Variants in NRG1 observed in about 807,000 individuals in gnomAD.
NRG1 encodes pro-neuregulin-1, membrane-bound isoform.
A neutral mutation model predicts 63.8 loss-of-function variants in NRG1; 18 were observed. That is an observed-to-expected ratio of 0.28 (90% CI 0.19 to 0.42). NRG1 has a LOEUF of 0.42. Among genes scored for constraint, NRG1 ranks in the 10% least tolerant of loss-of-function variants. The pLI is 1.00. For synonymous variants in NRG1, 302 were observed against 301.3 expected, an observed-to-expected ratio of 1.00 and a Z score of -0.02; for missense variants, 762 against 814.7, an observed-to-expected ratio of 0.94 and a Z score of 0.79.
At chr8:32,432,028 G>C (rs1266063149) in intron 1 of NRG1, among the ~76,000 whole-genome samples, 1 of 152,124 alleles carries the variant, frequency 6.6e-6, no homozygotes, top group Admixed American at 6.6e-5. Context: ...TGATTTAATA[G>C]AATATAAGCA....
downstream of NRG1, among the ~76,000 whole-genome samples, chr8:32,771,567 G>C (rs1054901069): frequency 6.7e-6 from 1 of 150,316 alleles, no homozygotes; most frequent in Non-Finnish European, 1.5e-5. Context: ...ACTAAACCAT[G>C]ACTCTGTAGA....
intron 1 of NRG1, among the ~76,000 whole-genome samples, chr8:32,567,588 G>C (rs1000510500): frequency 1.3e-5 from 2 of 152,192 alleles, no homozygotes. Flanking sequence ...ATGTAGATGA[G>C]TTTGGAACTT....
intron 1 of NRG1, among the ~76,000 whole-genome samples, chr8:32,588,702 C>G (rs987297095): frequency 3.3e-5 from 5 of 152,194 alleles, no homozygotes; most frequent in Non-Finnish European, 7.3e-5. Context: ...TTTCCAGAGT[C>G]CAGCCATCTT....
chr8:32,359,166 C>T (rs796518302), intron 1 of NRG1, among the ~76,000 whole-genome samples: 12 of 151,992 alleles, frequency 7.9e-5, no homozygotes, highest in African/African-American at 1.2e-4. Flanking sequence ...TGTAAAATGG[C>T]GTAATGATAC....
chr8:31,885,177 T>C (rs980854775), intron 1 of NRG1, among the ~76,000 whole-genome samples: 1 of 152,110 alleles, frequency 6.6e-6, no homozygotes, highest in Non-Finnish European at 1.5e-5. Context: ...CAGAAATGGA[T>C]CTCTCATGCT....
chr8:31,737,270 T>G (rs1814774286), intron 1 of NRG1, among the ~76,000 whole-genome samples: 1 of 152,074 alleles, frequency 6.6e-6, no homozygotes, highest in African/African-American at 2.4e-5. Flanking sequence ...TCTCCTAGGA[T>G]TTTTCCCCAA....
At chr8:32,107,060 TACAACA>T (rs10633352) in intron 1 of NRG1, among the ~76,000 whole-genome samples, 15 of 150,070 alleles carry the variant, frequency 1.0e-4, no homozygotes, top group East Asian at 2.0e-4. Flanking sequence ...CTACTAAAAA[TACAACA>T]ACAACAACAA....
intron 1 of NRG1, among the ~76,000 whole-genome samples, chr8:32,531,774 T>C (rs1329430832): frequency 6.6e-6 from 1 of 152,230 alleles, no homozygotes. Flanking sequence ...AAATAATACT[T>C]CTACCTCATA....
chr8:32,526,341 A>G (rs1485606698), intron 1 of NRG1, among the ~76,000 whole-genome samples: 1 of 152,168 alleles, frequency 6.6e-6, no homozygotes, highest in African/African-American at 2.4e-5. Flanking sequence ...CTCTCTCTCT[A>G]TAGCAGTTTG....
chr8:32,714,569 A>G (rs536593235), intron 5 of NRG1, among the ~76,000 whole-genome samples: 2 of 152,354 alleles, frequency 1.3e-5, no homozygotes, highest in African/African-American at 4.8e-5. Context: ...TGGCTGTAGG[A>G]AAAGAGCTTT....
chr8:31,723,074 A>G (rs903693953), intron 1 of NRG1, among the ~76,000 whole-genome samples: 1 of 152,210 alleles, frequency 6.6e-6, no homozygotes, highest in East Asian at 1.9e-4. Flanking sequence ...CTTGAGGCAG[A>G]ACTCATCTTA....
chr8:32,565,166 C>T (rs964070413), intron 1 of NRG1, among the ~76,000 whole-genome samples: 2 of 152,190 alleles, frequency 1.3e-5, no homozygotes, highest in African/African-American at 4.8e-5. Flanking sequence ...ATCATGCATT[C>T]CTTTTTCTTT....
chr8:32,706,569 G>A (rs927581598), intron 5 of NRG1, among the ~76,000 whole-genome samples: 4 of 151,906 alleles, frequency 2.6e-5, no homozygotes, highest in African/African-American at 9.7e-5. Context: ...GTGTGTGTGT[G>A]TGTTTGTGTG....
At chr8:31,916,667 G>A (rs1305113166) in intron 1 of NRG1, among the ~76,000 whole-genome samples, 1 of 152,142 alleles carries the variant, frequency 6.6e-6, no homozygotes, top group African/African-American at 2.4e-5. Context: ...ATAAACACAT[G>A]TGTGCATGTG....
intron 1 of NRG1, among the ~76,000 whole-genome samples, chr8:31,744,562 C>G (rs995940563): frequency 2.0e-5 from 3 of 151,886 alleles, no homozygotes; most frequent in Admixed American, 6.6e-5. Context: ...GGATTTATTA[C>G]TGTTTTTGGT....
At chr8:32,295,023 G>A (rs1854666424) in intron 1 of NRG1, among the ~76,000 whole-genome samples, 1 of 152,034 alleles carries the variant, frequency 6.6e-6, no homozygotes, top group South Asian at 2.1e-4. Context: ...CTCTGCTGAT[G>A]TTACTGTTAA....
At chr8:32,764,318 C>T in exon 12 of NRG1, 2 of 1,614,022 alleles carry the variant, frequency 1.2e-6, no homozygotes, top group South Asian at 2.2e-5. Flanking sequence ...GCAGGACTAA[C>T]CCAGCAGGCC....
At chr8:32,483,789 A>G (rs1319791324) in intron 1 of NRG1, among the ~76,000 whole-genome samples, 3 of 152,070 alleles carry the variant, frequency 2.0e-5, no homozygotes, top group Non-Finnish European at 2.9e-5. Context: ...ACTGCCTCCA[A>G]TGTCCACCGA....
At position 32,488,987 on chromosome 8, in the gene NRG1, G is replaced by A. The variant is rs140598318; in HGVS notation, c.38-106841G>A. Among the ~76,000 whole-genome samples the A allele has an allele frequency of 3.7e-3, 568 of 152,298 alleles. 5 individuals are homozygous for A. The highest frequency in any genetic ancestry group is 0.013 in the African/African-American group (542 of 41,564). On this transcript the variant is annotated intron_variant, in intron 1 of 10. Transcript: ENST00000519301. ...AGCAAGTTTTAGAGAGGGAGTGAAA[G>A]TTTATTAAAAAGCTTTAGAGCAGGA...
Sources: allele counts gnomAD v4.1 joint callset (sites outside exome capture counted in the v4.1 genomes callset), GRCh38; gene constraint gnomAD v4.1.1; transcripts MANE v1.5; gene names NCBI Gene and HGNC (gene_info 2026-07-23, HGNC 2026-07-21).